The following NRG1 variants were observed in gnomAD, a reference collection of about 807,000 sequenced individuals.
The protein encoded by NRG1 is pro-neuregulin-1, membrane-bound isoform.
Under a neutral mutation model 63.8 loss-of-function variants are expected in NRG1, and 18 were observed. The ratio of observed to expected loss-of-function variants is 0.28; its 90% CI spans 0.19 to 0.42. The LOEUF (loss-of-function observed/expected upper bound fraction) is 0.42. Among genes scored for constraint, NRG1 ranks in the 10% least tolerant of loss-of-function variants. The pLI is 1.00. For synonymous variants in NRG1, 302 were observed against 301.3 expected (o/e 1.00, Z -0.02); for missense variants, 762 against 814.7 (o/e 0.94, Z 0.79).
intron 7 of NRG1, chr8:32,749,266 A>C (rs1828199279): frequency 4.8e-6 from 2 of 412,888 alleles, no homozygotes; most frequent in South Asian, 8.9e-5. Context: ...ACAAGGAAAT[A>C]ATTTAGGGGA....
intron 1 of NRG1, among the ~76,000 whole-genome samples, chr8:32,105,494 G>A (rs1365502154): frequency 2.6e-5 from 4 of 152,022 alleles, no homozygotes; most frequent in Admixed American, 1.3e-4. Flanking sequence ...GCAAAGACCC[G>A]CCACCATGAT....
chr8:32,016,111 A>G (rs1246594521), intron 1 of NRG1, among the ~76,000 whole-genome samples: 1 of 152,196 alleles, frequency 6.6e-6, no homozygotes, highest in Non-Finnish European at 1.5e-5. Flanking sequence ...TAGGCATAAC[A>G]TTCAGATGTC....
At chr8:31,703,352 C>G (rs1199099895) in intron 1 of NRG1, among the ~76,000 whole-genome samples, 2 of 151,366 alleles carry the variant, frequency 1.3e-5, no homozygotes, top group Non-Finnish European at 2.9e-5. Context: ...ATTTTGAAGG[C>G]CAACAATTAA....
intron 1 of NRG1, among the ~76,000 whole-genome samples, chr8:31,764,675 G>A (rs1817876615): frequency 6.6e-6 from 1 of 152,042 alleles, no homozygotes; most frequent in Non-Finnish European, 1.5e-5. Flanking sequence ...GAATTTACAT[G>A]TTTTTTATGT....
At chr8:32,748,354 C>CAG (rs1416082314) in intron 7 of NRG1, among the ~76,000 whole-genome samples, 15 of 91,374 alleles carry the variant, frequency 1.6e-4, no homozygotes, top group South Asian at 4.3e-4. Flanking sequence ...CACACACACA[C>CAG]ACACAGAGAG....
At chr8:32,745,675 G>GGTGTGTGTGTGTGT (rs139114923) in intron 7 of NRG1, among the ~76,000 whole-genome samples, 69 of 151,290 alleles carry the variant, frequency 4.6e-4, no homozygotes, top group Admixed American at 6.6e-4. Flanking sequence ...GTGTGTGGGG[G>GGTGTGTGTGTGTGT]GTGTGTGTGT....
chr8:31,889,749 G>A (rs1831002194), intron 1 of NRG1, among the ~76,000 whole-genome samples: 1 of 152,310 alleles, frequency 6.6e-6, no homozygotes. Context: ...GCATGGGAGG[G>A]CATTGCCTCC....
Position 31,908,609 on chromosome 8 carries a change from T to C in NRG1, c.37+269178T>C, listed in dbSNP as rs1487173176. Among the ~76,000 whole-genome samples, 3 of 152,324 alleles carry C rather than the reference T, an allele frequency of 2.0e-5. No homozygotes were observed. The East Asian group carries it at 5.8e-4, about 29-fold the overall frequency. On this transcript the variant is annotated intron_variant, in intron 1 of 10. Coordinates refer to the NRG1 transcript ENST00000519301. The stretch of plus-strand genomic sequence containing the variant: ...CAAATCCTTGCCAGATTTTAAATGA[T>C]TCATTCTACATTTGTATTTCACAGT...
intron 1 of NRG1, among the ~76,000 whole-genome samples, chr8:31,662,106 C>T (rs1257319467): frequency 8.5e-5 from 13 of 152,154 alleles, no homozygotes; most frequent in Admixed American, 8.5e-4. Context: ...AAAATGACTT[C>T]CCATTATAGA....
chr8:31,866,426 A>AT (rs1341071453), intron 1 of NRG1, among the ~76,000 whole-genome samples: 1 of 152,152 alleles, frequency 6.6e-6, no homozygotes, highest in Admixed American at 6.6e-5. Context: ...ATCTTTTTTT[A>AT]TTTTTTTACT....
rs143023955 is a variant in NRG1 at position 32,462,404 on chromosome 8, A to G, written c.38-133424A>G. Among the ~76,000 whole-genome samples, 408 of 152,262 alleles carry G rather than the reference A, an allele frequency of 2.7e-3. 4 individuals are homozygous for G. The highest frequency in any genetic ancestry group is 9.0e-3 in the African/African-American group (376 of 41,560). ...CAGAGAATTACATTCCTAGAACATGATATTTTAATATACATATCCATTGTG... is the reference window on the plus strand; with the variant it reads ...CAGAGAATTACATTCCTAGAACATGGTATTTTAATATACATATCCATTGTG... On this transcript the variant is annotated intron_variant, in intron 1 of 10. Coordinates refer to the NRG1 transcript ENST00000519301.
At chr8:32,759,467 C>A (rs1056942917) in intron 10 of NRG1, 31 bp downstream of exon 10, 14 of 1,606,874 alleles carry the variant, frequency 8.7e-6, no homozygotes, top group Non-Finnish European at 1.2e-5. Flanking sequence ...CACGGCTTTT[C>A]TCTCAGAATG....
chr8:31,996,392 G>T (rs1056712199), intron 1 of NRG1, among the ~76,000 whole-genome samples: 3 of 151,840 alleles, frequency 2.0e-5, no homozygotes, highest in African/African-American at 7.3e-5. Flanking sequence ...AGACATTTGT[G>T]AGAACAAAAT....
At chr8:31,852,470 T>C (rs1346519646) in intron 1 of NRG1, among the ~76,000 whole-genome samples, 1 of 152,196 alleles carries the variant, frequency 6.6e-6, no homozygotes, top group Non-Finnish European at 1.5e-5. Flanking sequence ...GTTTTTTTCT[T>C]GTAAATTTGT....
rs1803611433 is a variant in NRG1 at position 31,640,275 on chromosome 8, C to G, written c.37+844C>G. ...CGCAGCGGCGGCAGCAGGGGGCACT[C>G]GACAGGAAGGCGGCGGCGGCGGCGG... On this transcript the variant is annotated intron_variant, in intron 1 of 10. Coordinates refer to the NRG1 transcript ENST00000519301. This position sits in a 1 kb window ranked among gnomAD's most constrained non-coding sequence, Gnocchi z 6.3. 2 of 1,134,640 alleles carry G rather than the reference C, an allele frequency of 1.8e-6. No homozygotes were observed. The highest frequency in any genetic ancestry group is 2.2e-6 in the Non-Finnish European group (2 of 925,972). The allele number at this position is 1,134,640 out of a possible 1,614,324, so 70.3% of individuals were successfully genotyped here. A position where few individuals can be genotyped will look rare whatever the true frequency, so the allele number is the denominator to read the frequency against.
chr8:32,385,886 A>G lies in NRG1; in HGVS notation c.38-209942A>G, dbSNP rs113669319. 2.5e-3 allele frequency among the ~76,000 whole-genome samples: 387 copies of G among 152,346 alleles called. 3 individuals carry two copies. The highest frequency in any genetic ancestry group is 9.0e-3 in the African/African-American group (376 of 41,578). On this transcript the variant is annotated intron_variant, in intron 1 of 10. Transcript: ENST00000519301. ...ACTTGACACCAATCTTTTCAGCAATACTGCTGTCAGATAAGAGAATCATTG... is the reference window on the plus strand; with the variant it reads ...ACTTGACACCAATCTTTTCAGCAATGCTGCTGTCAGATAAGAGAATCATTG...
At chr8:31,864,921 A>C (rs1001750749) in intron 1 of NRG1, among the ~76,000 whole-genome samples, 1 of 151,878 alleles carries the variant, frequency 6.6e-6, no homozygotes, top group Admixed American at 6.6e-5. Flanking sequence ...AGCACCACTG[A>C]CCTCTCTGTT....
At chr8:31,863,623 C>T (rs968803704) in intron 1 of NRG1, among the ~76,000 whole-genome samples, 7 of 152,216 alleles carry the variant, frequency 4.6e-5, no homozygotes, top group Admixed American at 2.6e-4. Flanking sequence ...TTATATCCAG[C>T]TACCTGAAAC....
At chr8:32,302,160 T>C (rs1371736882) in intron 1 of NRG1, among the ~76,000 whole-genome samples, 1 of 152,186 alleles carries the variant, frequency 6.6e-6, no homozygotes, top group African/African-American at 2.4e-5. Flanking sequence ...TTTCGTCATG[T>C]TATGGTCTTG....
Sources: gnomAD v4.1 joint callset for allele counts (sites outside exome capture counted in the v4.1 genomes callset) on GRCh38, gnomAD v4.1.1 for gene constraint, Gnocchi (gnomAD v3.1) non-coding constraint, MANE v1.5 for transcripts, NCBI Gene and HGNC (gene_info 2026-07-23, HGNC 2026-07-21) for gene names.